LRP1B: variants seen among roughly 807,000 people sequenced by gnomAD.
The protein encoded by LRP1B is low-density lipoprotein receptor-related protein 1B.
In LRP1B, 217 loss-of-function variants were observed where a neutral mutation model predicts 556.6. That is an observed-to-expected ratio of 0.39 (90% CI 0.35 to 0.44). The LOEUF (loss-of-function observed/expected upper bound fraction) is 0.44. Among genes scored for constraint, LRP1B ranks in the 20% least tolerant of loss-of-function variants. The pLI is 1.00. For synonymous variants in LRP1B, 2,047 were observed against 1,865.8 expected, an observed-to-expected ratio of 1.10 and a Z score of -2.50; for missense variants, 5,053 against 5,620.8, an observed-to-expected ratio of 0.90 and a Z score of 3.23.
At position 140,321,325 on chromosome 2, in the gene LRP1B, CA is replaced by C. The variant is rs1250569004; in HGVS notation, c.12640+637del. 2.0e-5 allele frequency among the ~76,000 whole-genome samples: 3 copies of C among 151,766 alleles called. No individual in the cohort carries two copies. The East Asian group carries it at 5.8e-4, about 29-fold the overall frequency. Reference sequence around the variant, plus strand: ...ATTCCAGCTTCTAGCTTCTGAAATACAAACTGCATGAATGAAAAAAATCTTA... The same window carrying C: ...ATTCCAGCTTCTAGCTTCTGAAATACAACTGCATGAATGAAAAAAATCTTA... On this transcript the variant is annotated intron_variant, in intron 82 of 90. Transcript: ENST00000389484.
chr2:140,780,125 C>T (rs1689647289), intron 32 of LRP1B, among the ~76,000 whole-genome samples: 1 of 152,006 alleles, frequency 6.6e-6, no homozygotes, highest in Admixed American at 6.5e-5. Flanking sequence ...AGTACAACTA[C>T]AACTAATAGC....
At chr2:140,796,675 C>A (rs1013794413) in intron 32 of LRP1B, among the ~76,000 whole-genome samples, 3 of 152,062 alleles carry the variant, frequency 2.0e-5, no homozygotes, top group African/African-American at 7.2e-5. Context: ...GGTCCTTGAA[C>A]TAAGTGACAT....
chr2:141,938,870 T>C (rs946746903), intron 1 of LRP1B, among the ~76,000 whole-genome samples: 2 of 152,058 alleles, frequency 1.3e-5, no homozygotes, highest in African/African-American at 2.4e-5. Flanking sequence ...CTGGAGGACA[T>C]TATGCTAAGT....
At chr2:141,624,036 C>CAAAAAAAAAAAAAAAAAAAAAAAAG in intron 2 of LRP1B, among the ~76,000 whole-genome samples, 1 of 90,760 alleles carries the variant, frequency 1.1e-5, no homozygotes, top group Non-Finnish European at 2.1e-5. Flanking sequence ...AAAAATTAAA[C>CAAAAAAAAAAAAAAAAAAAAAAAAG]AAAAAAAAAA....
chr2:140,784,711 G>A (rs1223874139), intron 32 of LRP1B, among the ~76,000 whole-genome samples: 1 of 115,936 alleles, frequency 8.6e-6, no homozygotes, highest in Non-Finnish European at 1.8e-5. Context: ...GCTAGAGGAG[G>A]TTATAATGAA....
At chr2:140,703,819 C>T (rs1686732186) in intron 37 of LRP1B, among the ~76,000 whole-genome samples, 1 of 152,116 alleles carries the variant, frequency 6.6e-6, no homozygotes, top group Non-Finnish European at 1.5e-5. Flanking sequence ...GCCTCCAGCT[C>T]CAGCCATGTT....
At chr2:140,769,457 T>C in intron 34 of LRP1B, 113 bp from the exon 35 acceptor site, 1 of 1,100,674 alleles carries the variant, frequency 9.1e-7, no homozygotes, top group Admixed American at 3.1e-5. Context: ...TTAACAAATG[T>C]ATTTCCTGGC....
At chr2:141,438,259 G>A (rs1343739625) in intron 3 of LRP1B, among the ~76,000 whole-genome samples, 1 of 151,928 alleles carries the variant, frequency 6.6e-6, no homozygotes, top group Non-Finnish European at 1.5e-5. Context: ...TTTTACTTCA[G>A]TACACTTTTC....
chr2:141,174,357 G>T (rs1680642827), intron 7 of LRP1B, among the ~76,000 whole-genome samples: 1 of 152,040 alleles, frequency 6.6e-6, no homozygotes, highest in Admixed American at 6.6e-5. Flanking sequence ...GATATGGTTT[G>T]GCTCTGTGTC....
intron 1 of LRP1B, among the ~76,000 whole-genome samples, chr2:142,120,312 A>T (rs1350836423): frequency 6.6e-6 from 1 of 152,110 alleles, no homozygotes; most frequent in African/African-American, 2.4e-5. Flanking sequence ...GGGTTTCACC[A>T]TGTTGGCCAG....
rs147231192 is a variant in LRP1B at position 140,950,275 on chromosome 2, C to G, written c.3096G>C (p.Gly1032=). The G allele has an allele frequency of 9.9e-6, 16 of 1,610,136 alleles. No homozygotes were observed. The African/African-American group carries it at 2.1e-4, about 22-fold the overall frequency. The stretch of plus-strand genomic sequence containing the variant: ...TGATCTGGGCTTCATCACTGAAGTC[C>G]CCACAGTCATTGTCACCATCACAGG... ...HWACDGDNDC[G]DFSDEAQINC... is the part of the protein sequence containing the mutation. Residue 1032 remains glycine, a synonymous_variant, in exon 20 of 91, where the codon GGG becomes GGC. Coordinates refer to ENST00000389484, the MANE Select transcript of LRP1B (RefSeq NM_018557.3).
intron 86 of LRP1B, among the ~76,000 whole-genome samples, chr2:140,254,529 T>C (rs66470140): frequency 0.31 from 47,244 of 151,374 alleles, 7,589 homozygotes; most frequent in Middle Eastern, 0.39. Flanking sequence ...TTTTTTGTTT[T>C]TTGTTTGTTT....
At chr2:141,836,434 C>G (rs766194616) in intron 1 of LRP1B, among the ~76,000 whole-genome samples, 1 of 151,836 alleles carries the variant, frequency 6.6e-6, no homozygotes, top group Non-Finnish European at 1.5e-5. Flanking sequence ...TTTCCTCTGA[C>G]TATCCTATTT....
At chr2:142,117,560 C>T (rs1707316718) in intron 1 of LRP1B, among the ~76,000 whole-genome samples, 1 of 151,990 alleles carries the variant, frequency 6.6e-6, no homozygotes, top group African/African-American at 2.4e-5. Context: ...ATGTTGAATC[C>T]AGCAACTTGC....
At chr2:140,495,475 A>G (rs1574003551) in intron 56 of LRP1B, 90 bp downstream of exon 56, 2 of 1,196,976 alleles carry the variant, frequency 1.7e-6, no homozygotes, top group South Asian at 1.7e-5. Context: ...AGAAGCATCA[A>G]GGAGGAGTGA....
chr2:140,428,736 C>T (rs1685777487), intron 66 of LRP1B, among the ~76,000 whole-genome samples: 1 of 152,122 alleles, frequency 6.6e-6, no homozygotes, highest in Non-Finnish European at 1.5e-5. Context: ...CTCCACACTA[C>T]CGTCTTTTCA....
intron 41 of LRP1B, among the ~76,000 whole-genome samples, chr2:140,685,772 C>T (rs1414591019): frequency 6.6e-6 from 1 of 152,132 alleles, no homozygotes; most frequent in Non-Finnish European, 1.5e-5. Flanking sequence ...TAAGCAACAA[C>T]TTCTATTTTT....
At chr2:140,859,099 T>C (rs1264475814) in intron 27 of LRP1B, among the ~76,000 whole-genome samples, 2 of 152,142 alleles carry the variant, frequency 1.3e-5, no homozygotes, top group Admixed American at 1.3e-4. Flanking sequence ...GGTTTACCAG[T>C]GTCAGCCATC....
chr2:140,680,645 A>G (rs1033138952), intron 41 of LRP1B, among the ~76,000 whole-genome samples: 1 of 152,188 alleles, frequency 6.6e-6, no homozygotes, highest in Non-Finnish European at 1.5e-5. Context: ...ACATTGCATC[A>G]TCATGAGTGA....
Sources: allele counts gnomAD v4.1 joint callset (sites outside exome capture counted in the v4.1 genomes callset), GRCh38; gene constraint gnomAD v4.1.1; transcripts MANE v1.5; gene names NCBI Gene and HGNC (gene_info 2026-07-23, HGNC 2026-07-21).